The following PDE2A variants were observed in gnomAD, a reference collection of about 807,000 sequenced individuals.
PDE2A encodes the protein cGMP-dependent 3',5'-cyclic phosphodiesterase.
PDE2A carries 53 observed loss-of-function variants against 133.6 expected under a neutral mutation model. The ratio of observed to expected loss-of-function variants is 0.40; its 90% CI spans 0.32 to 0.50. PDE2A has a LOEUF of 0.50. Among genes scored for constraint, PDE2A ranks in the 20% least tolerant of loss-of-function variants. PDE2A has a pLI of 0.73. For synonymous variants in PDE2A, 491 were observed against 490.2 expected (o/e 1.00, Z -0.02); for missense variants, 796 against 1,232.4 (o/e 0.65, Z 5.30).
At position 72,578,562 on chromosome 11, in the gene PDE2A, C is replaced by T. The variant is rs372994461; in HGVS notation, c.2470-48G>A. The T allele has an allele frequency of 1.3e-6, 2 of 1,501,822 alleles. No homozygotes were observed. The highest frequency in any genetic ancestry group is 1.9e-6 in the Non-Finnish European group (2 of 1,077,740). The allele number at this position is 1,501,822 out of a possible 1,614,324, so 93.0% of individuals were successfully genotyped here. A position where few individuals can be genotyped will look rare whatever the true frequency, so the allele number is the denominator to read the frequency against. ...ACATCCTCTATGTAGGATACATCCA[C>T]CCAAGCTCCTCTGACAGCCCGTTCC... On this transcript the variant is annotated intron_variant, in intron 28 of 30. Transcript: ENST00000334456. The surrounding 1 kb of genome is among the most constrained non-coding windows in gnomAD (Gnocchi z 4.2).
chr11:72,616,874 C>T (rs1445361243), intron 2 of PDE2A, among the ~76,000 whole-genome samples: 1 of 152,228 alleles, frequency 6.6e-6, no homozygotes, highest in Admixed American at 6.5e-5. Flanking sequence ...CCTGCGTGGT[C>T]ACCTGTCCCC....
At chr11:72,629,730 G>C (rs1858277432) in intron 2 of PDE2A, among the ~76,000 whole-genome samples, 1 of 152,206 alleles carries the variant, frequency 6.6e-6, no homozygotes, top group African/African-American at 2.4e-5. Flanking sequence ...CCGGGAAAGA[G>C]TGAGCCTCGA....
intron 2 of PDE2A, among the ~76,000 whole-genome samples, chr11:72,623,366 C>T (rs906223015): frequency 1.3e-5 from 2 of 152,084 alleles, no homozygotes; most frequent in Non-Finnish European, 2.9e-5. Flanking sequence ...TCCTCTGTCT[C>T]GTTGCTGCTC....
At chr11:72,654,105 A>C (rs1424206612) in intron 1 of PDE2A, among the ~76,000 whole-genome samples, 1 of 152,226 alleles carries the variant, frequency 6.6e-6, no homozygotes, top group Non-Finnish European at 1.5e-5. Flanking sequence ...CATAGTGGGC[A>C]GAGCTCCAGC....
At chr11:72,602,067 G>A (rs1176509721) in intron 4 of PDE2A, among the ~76,000 whole-genome samples, 1 of 152,148 alleles carries the variant, frequency 6.6e-6, no homozygotes, top group Non-Finnish European at 1.5e-5. Context: ...GGGAACTGTG[G>A]AGCAGGCTTC....
chr11:72,663,944 C>T (rs550308122), intron 1 of PDE2A, among the ~76,000 whole-genome samples: 2 of 152,280 alleles, frequency 1.3e-5, no homozygotes, highest in East Asian at 3.9e-4. Flanking sequence ...CCCCAGAGGC[C>T]GACTTCTAAG....
Position 72,596,653 on chromosome 11 carries a change from G to A in PDE2A, c.434-5C>T, listed in dbSNP as rs754637994. On this transcript the variant is annotated splice_polypyrimidine_tract_variant and splice_region_variant and intron_variant, in intron 5 of 30. Coordinates refer to ENST00000334456, the MANE Select transcript of PDE2A (RefSeq NM_002599.5). ...CCGCTAGCGGCATGACCAGCACTGA[G>A]GGGGAGAGGGCAATGAGGTGCTCCT... 8 of 1,460,210 alleles carry A rather than the reference G, an allele frequency of 5.5e-6. No individual in the cohort carries two copies. In the East Asian group the frequency reaches 1.3e-4, roughly 24 times the overall value. 90.5% of individuals were successfully genotyped at this position (1,460,210 alleles called of 1,614,324 possible).
In PDE2A at chr11:72,597,612, T is replaced by C. The variant is rs761119855; in HGVS notation, c.331A>G (p.Ile111Val). 1.9e-5 allele frequency: 30 copies of C among 1,610,522 alleles called. No individual in the cohort carries two copies. The highest frequency in any genetic ancestry group is 1.8e-5 in the Non-Finnish European group (21 of 1,177,746). ...LPQEGKVREA[I>V]ISQKRLGCNG... ...CAGCCCAGCCGCTTCTGGGAGATGA[T>C]AGCCTCCCTGAAAAGAGGACATGAT... Residue 111 changes from isoleucine (I) to valine (V), a missense_variant, in exon 5 of 31, where the codon ATC becomes GTC. This residue lies in a region of PDE2A where 417 missense variants were observed against 475.3 expected (regional missense o/e 0.88). Transcript: ENST00000334456. This position sits in a 1 kb window ranked among gnomAD's most constrained non-coding sequence, Gnocchi z 4.6.
At chr11:72,620,147 G>A (rs1180902578) in intron 2 of PDE2A, among the ~76,000 whole-genome samples, 2 of 152,182 alleles carry the variant, frequency 1.3e-5, no homozygotes, top group Admixed American at 6.5e-5. Flanking sequence ...GACCAAGAAA[G>A]GGCAGCTTCC....
At chr11:72,625,989 C>G (rs532050241) in intron 2 of PDE2A, among the ~76,000 whole-genome samples, 1 of 152,250 alleles carries the variant, frequency 6.6e-6, no homozygotes, top group Non-Finnish European at 1.5e-5. Flanking sequence ...AGCCCGGGGC[C>G]GCAGCATCTG....
chr11:72,647,892 G>A (rs1859171340), intron 1 of PDE2A, among the ~76,000 whole-genome samples: 1 of 152,202 alleles, frequency 6.6e-6, no homozygotes, highest in Non-Finnish European at 1.5e-5. Context: ...CAGTGGTATA[G>A]CTGAACTTAT....
At position 72,620,173 on chromosome 11, in the gene PDE2A, C is replaced by G. The variant is rs183620094; in HGVS notation, c.145-11422G>C. ...GGCAGCTTCCTTTCTTCCTGCCCCA[C>G]CTTCAGGTGTGCAGCCTGGAACTAG... On this transcript the variant is annotated intron_variant, in intron 2 of 30. Transcript: ENST00000334456. Among the ~76,000 whole-genome samples, 23 of 152,274 alleles carry G rather than the reference C, an allele frequency of 1.5e-4. No homozygotes were observed. In the East Asian group the frequency reaches 4.4e-3, roughly 29 times the overall value.
At chr11:72,608,346 C>T (rs76372814) in intron 3 of PDE2A, among the ~76,000 whole-genome samples, 2,719 of 152,272 alleles carry the variant, frequency 0.018, 87 homozygotes, top group African/African-American at 0.062. Context: ...CAGCTGGCTC[C>T]ACCACGTCCT....
At chr11:72,618,435 C>T (rs767195816) in intron 2 of PDE2A, among the ~76,000 whole-genome samples, 34 of 152,332 alleles carry the variant, frequency 2.2e-4, no homozygotes, top group Non-Finnish European at 4.9e-4. Flanking sequence ...ATCCTTCTCC[C>T]GTCCCCCTCA....
At chr11:72,579,231 C>G (rs566644153) in intron 27 of PDE2A, 53 bp downstream of exon 27, 1 of 1,381,398 alleles carries the variant, frequency 7.2e-7, no homozygotes, top group Non-Finnish European at 1.0e-6. Context: ...CTGGCAAATC[C>G]TTCCCCTGGT....
At chr11:72,653,930 C>A (rs1854819688) in intron 1 of PDE2A, among the ~76,000 whole-genome samples, 1 of 152,232 alleles carries the variant, frequency 6.6e-6, no homozygotes, top group Non-Finnish European at 1.5e-5. Flanking sequence ...CCTGAAATAA[C>A]AGGAAGTCAG....
At chr11:72,646,737 T>G (rs1859136731) in intron 1 of PDE2A, among the ~76,000 whole-genome samples, 1 of 152,202 alleles carries the variant, frequency 6.6e-6, no homozygotes, top group Non-Finnish European at 1.5e-5. Flanking sequence ...AGCTGTACCC[T>G]GAACCTCTGG....
chr11:72,644,810 G>A lies in PDE2A; in HGVS notation c.72-2484C>T, dbSNP rs545400464. On this transcript the variant is annotated intron_variant, in intron 1 of 30. Transcript: ENST00000334456. Reference sequence around the variant, plus strand: ...TCTCGCTCTGTCACCAGGCTGGAGCGCAGTGGCGCGATCTCAGCTCACTGC... The same window carrying A: ...TCTCGCTCTGTCACCAGGCTGGAGCACAGTGGCGCGATCTCAGCTCACTGC... Among the ~76,000 whole-genome samples, 110 of 152,128 alleles carry A rather than the reference G, an allele frequency of 7.2e-4. 1 individual carries two copies. The highest frequency in any genetic ancestry group is 2.3e-3 in the East Asian group (12 of 5,178).
chr11:72,604,432 A>G (rs1339191540), intron 4 of PDE2A, among the ~76,000 whole-genome samples: 1 of 152,226 alleles, frequency 6.6e-6, no homozygotes. Flanking sequence ...CCCTGATCCC[A>G]TGATCCTGAA....
Sources: gnomAD v4.1 joint callset for allele counts (sites outside exome capture counted in the v4.1 genomes callset) on GRCh38, gnomAD v4.1.1 for gene constraint, gnomAD v4.1.1 regional missense constraint, Gnocchi (gnomAD v3.1) non-coding constraint, MANE v1.5 for transcripts, NCBI Gene and HGNC (gene_info 2026-07-23, HGNC 2026-07-21) for gene names.